KCNQ1OT1: variants seen among roughly 807,000 people sequenced by gnomAD.
KCNQ1OT1 encodes the protein KCNQ1 opposite strand/antisense transcript 1.
exon 1 of KCNQ1OT1, chr11:2,649,813 T>C (rs1229462626): frequency 5.0e-6 from 2 of 398,442 alleles, no homozygotes; most frequent in African/African-American, 4.1e-5. Flanking sequence ...TTTGTGAGCT[T>C]CCTTTATCTG....
At chr11:2,692,973 C>T in exon 1 of KCNQ1OT1, 1 of 398,658 alleles carries the variant, frequency 2.5e-6, no homozygotes, top group Non-Finnish European at 4.4e-6. Flanking sequence ...GCCCACTGAA[C>T]TCTCCTGGTT....
chr11:2,626,437 G>T lies in KCNQ1OT1; in HGVS notation n.73558C>A, dbSNP rs999109591. On this transcript the variant is annotated non_coding_transcript_exon_variant, in exon 1 of 1. Transcript: ENST00000597346. This position sits in a 1 kb window ranked among gnomAD's most constrained non-coding sequence, Gnocchi z 4.0. ...GAATCATTTGATCATGTATACAAGG[G>T]TTTATTTTTGGGCTCTCTATTCAAT... 1 of 398,588 alleles carries T rather than the reference G, an allele frequency of 2.5e-6. No homozygotes were observed. The highest frequency in any genetic ancestry group is 4.4e-6 in the Non-Finnish European group (1 of 226,076). The allele number at this position is 398,588 out of a possible 1,614,324, so 24.7% of individuals were successfully genotyped here. A position where few individuals can be genotyped will look rare whatever the true frequency, so the allele number is the denominator to read the frequency against.
Position 2,624,422 on chromosome 11 carries a change from A to G in KCNQ1OT1, n.75573T>C, listed in dbSNP as rs1849229349. ...CAGAGCAGAAACTTTTATTTTTAAC[A>G]AAGTCTAGCTTATCAATTATTTCTT... is the stretch of plus-strand genomic sequence containing the variant. On this transcript the variant is annotated non_coding_transcript_exon_variant, in exon 1 of 1. Transcript: ENST00000597346. This position sits in a 1 kb window ranked among gnomAD's most constrained non-coding sequence, Gnocchi z 4.9. 1 of 398,490 alleles carries G rather than the reference A, an allele frequency of 2.5e-6. No homozygotes were observed. The highest frequency in any genetic ancestry group is 4.4e-6 in the Non-Finnish European group (1 of 226,016). 24.7% of individuals were successfully genotyped at this position (398,490 alleles called of 1,614,324 possible).
rs1001669043 is a variant in KCNQ1OT1 at position 2,620,707 on chromosome 11, G to A, written n.79288C>T. ...TTATTTTCCTTTGAATATATATCCA[G>A]TAATGGGATTGCTGGGTCAGATGGT... On this transcript the variant is annotated non_coding_transcript_exon_variant, in exon 1 of 1. Coordinates refer to ENST00000597346, the Ensembl canonical transcript of KCNQ1OT1. The surrounding 1 kb of genome is among the most constrained non-coding windows in gnomAD (Gnocchi z 4.5). 9 of 398,418 alleles carry A rather than the reference G, an allele frequency of 2.3e-5. No individual in the cohort carries two copies. In the East Asian group the frequency reaches 2.5e-4, roughly 11 times the overall value. 24.7% of individuals were successfully genotyped at this position (398,418 alleles called of 1,614,324 possible). A position where few individuals can be genotyped will look rare whatever the true frequency, so the allele number is the denominator to read the frequency against.
Position 2,645,288 on chromosome 11 carries a change from C to A in KCNQ1OT1, n.54707G>T. On this transcript the variant is annotated non_coding_transcript_exon_variant, in exon 1 of 1. Coordinates refer to ENST00000597346, the Ensembl canonical transcript of KCNQ1OT1. The surrounding 1 kb of genome is among the most constrained non-coding windows in gnomAD (Gnocchi z 5.8). ...CAGTTGGGTAGGGCAGTCCTCAAGC[C>A]CCCAGGAGTGCTCAGGTGCCAACAA... 5.0e-6 allele frequency: 2 copies of A among 398,640 alleles called. No individual in the cohort carries two copies. The highest frequency in any genetic ancestry group is 8.8e-6 in the Non-Finnish European group (2 of 226,172). The allele number at this position is 398,640 out of a possible 1,614,324, so 24.7% of individuals were successfully genotyped here. A position where few individuals can be genotyped will look rare whatever the true frequency, so the allele number is the denominator to read the frequency against.
exon 1 of KCNQ1OT1, chr11:2,625,043 G>A (rs763834813): frequency 3.0e-4 from 119 of 398,430 alleles, no homozygotes; most frequent in Middle Eastern, 6.2e-4. Flanking sequence ...CACTACAATC[G>A]TGGGTATACA....
Position 2,627,651 on chromosome 11 carries a change from TATTTC to T in KCNQ1OT1, n.72339_72343del, listed in dbSNP as rs1375472464. On this transcript the variant is annotated non_coding_transcript_exon_variant, in exon 1 of 1. Transcript: ENST00000597346. This position sits in a 1 kb window ranked among gnomAD's most constrained non-coding sequence, Gnocchi z 4.9. The stretch of plus-strand genomic sequence containing the variant: ...GATTTCCTGCTTTTTAAAGGATGAA[TATTTC>T]ATTGTGTGTGTGTATATATGTGTGT... 17 of 398,490 alleles carry T rather than the reference TATTTC, an allele frequency of 4.3e-5. No homozygotes were observed. The South Asian group carries it at 5.1e-4, about 12-fold the overall frequency. 24.7% of individuals were successfully genotyped at this position (398,490 alleles called of 1,614,324 possible). A position where few individuals can be genotyped will look rare whatever the true frequency, so the allele number is the denominator to read the frequency against.
At position 2,658,428 on chromosome 11, in the gene KCNQ1OT1, G is replaced by T; in HGVS notation, n.41567C>A. 3 of 398,482 alleles carry T rather than the reference G, an allele frequency of 7.5e-6. No individual in the cohort carries two copies. Among genetic ancestry groups the T allele is most frequent in the Admixed American group, 8.8e-5 (2 of 22,734 alleles). The allele number at this position is 398,482 out of a possible 1,614,324, so 24.7% of individuals were successfully genotyped here. A position where few individuals can be genotyped will look rare whatever the true frequency, so the allele number is the denominator to read the frequency against. On this transcript the variant is annotated non_coding_transcript_exon_variant, in exon 1 of 1. Transcript: ENST00000597346. This position sits in a 1 kb window ranked among gnomAD's most constrained non-coding sequence, Gnocchi z 4.9. ...TGTTGCTCAAATTGTTCAAGCTGTGGCCACTGGTGGGTTCATGTGTCCTTT... is the reference window on the plus strand; with the variant it reads ...TGTTGCTCAAATTGTTCAAGCTGTGTCCACTGGTGGGTTCATGTGTCCTTT...
chr11:2,669,939 A>G lies in KCNQ1OT1; in HGVS notation n.30056T>C, dbSNP rs759180045. The G allele has an allele frequency of 1.5e-5, 6 of 398,542 alleles. No homozygotes were observed. Among genetic ancestry groups the G allele is most frequent in the Non-Finnish European group, 2.7e-5 (6 of 226,130 alleles). 24.7% of individuals were successfully genotyped at this position (398,542 alleles called of 1,614,324 possible). Reference sequence around the variant, plus strand: ...CCAAGCTCCAGGACAGTCTGGAGTCAGGTGGAGGGAAGGGAAGTCTAGAGG... The same window carrying G: ...CCAAGCTCCAGGACAGTCTGGAGTCGGGTGGAGGGAAGGGAAGTCTAGAGG... On this transcript the variant is annotated non_coding_transcript_exon_variant, in exon 1 of 1. Coordinates refer to ENST00000597346, the Ensembl canonical transcript of KCNQ1OT1. The surrounding 1 kb of genome is among the most constrained non-coding windows in gnomAD (Gnocchi z 5.6).
Position 2,670,963 on chromosome 11 carries a change from C to G in KCNQ1OT1, n.29032G>C, listed in dbSNP as rs1477146279. On this transcript the variant is annotated non_coding_transcript_exon_variant, in exon 1 of 1. Transcript: ENST00000597346. The surrounding 1 kb of genome is among the most constrained non-coding windows in gnomAD (Gnocchi z 4.9). ...CAGCTTCATGCCTTCTTATGGTGCC[C>G]CAGAGCCCCTGGCTAGGCATTCATG... is the stretch of plus-strand genomic sequence containing the variant. 2 of 398,532 alleles carry G rather than the reference C, an allele frequency of 5.0e-6. No homozygotes were observed. Among genetic ancestry groups the G allele is most frequent in the Non-Finnish European group, 8.8e-6 (2 of 226,098 alleles). The allele number at this position is 398,532 out of a possible 1,614,324, so 24.7% of individuals were successfully genotyped here.
exon 1 of KCNQ1OT1, chr11:2,630,502 T>C: frequency 5.0e-6 from 2 of 398,398 alleles, no homozygotes. Flanking sequence ...CATTTTATTT[T>C]TGATGCCCCA....
At chr11:2,622,569 C>G (rs1469771638) in exon 1 of KCNQ1OT1, 1 of 398,348 alleles carries the variant, frequency 2.5e-6, no homozygotes, top group East Asian at 3.6e-5. Flanking sequence ...AAAAGAAGTT[C>G]TGACATTTTG....
At chr11:2,648,975 C>CTTTT (rs1849710100) in exon 1 of KCNQ1OT1, 1 of 336,652 alleles carries the variant, frequency 3.0e-6, no homozygotes, top group African/African-American at 3.2e-5. Flanking sequence ...TCTCTTTTTT[C>CTTTT]TTTTTCTTTT....
rs1488219740 is a variant in KCNQ1OT1 at position 2,683,680 on chromosome 11, G to A, written n.16315C>T. ...TACTTTCCCATCTCAATACAACTGTGAAAAGCCTAGCCTGGGACTCAGGCC... is the reference window on the plus strand; with the variant it reads ...TACTTTCCCATCTCAATACAACTGTAAAAAGCCTAGCCTGGGACTCAGGCC... On this transcript the variant is annotated non_coding_transcript_exon_variant, in exon 1 of 1. Coordinates refer to ENST00000597346, the Ensembl canonical transcript of KCNQ1OT1. The surrounding 1 kb of genome is among the most constrained non-coding windows in gnomAD (Gnocchi z 4.7). 7.5e-6 allele frequency: 3 copies of A among 398,486 alleles called. No individual in the cohort carries two copies. Among genetic ancestry groups the A allele is most frequent in the Non-Finnish European group, 1.3e-5 (3 of 226,084 alleles). 24.7% of individuals were successfully genotyped at this position (398,486 alleles called of 1,614,324 possible). A position where few individuals can be genotyped will look rare whatever the true frequency, so the allele number is the denominator to read the frequency against.
chr11:2,697,891 G>C, exon 1 of KCNQ1OT1: 1 of 398,580 alleles, frequency 2.5e-6, no homozygotes, highest in African/African-American at 2.1e-5. Context: ...CCTCTAGCTG[G>C]AGCATAAATC....
exon 1 of KCNQ1OT1, chr11:2,646,837 T>C (rs111614169): frequency 2.8e-5 from 11 of 398,620 alleles, no homozygotes; most frequent in African/African-American, 2.3e-4. Flanking sequence ...TGTTTGTTGA[T>C]TTTTTTATCC....
chr11:2,652,200 C>T lies in KCNQ1OT1; in HGVS notation n.47795G>A, dbSNP rs1050387496. 28 of 398,474 alleles carry T rather than the reference C, an allele frequency of 7.0e-5. No homozygotes were observed. The highest frequency in any genetic ancestry group is 1.0e-4 in the African/African-American group (5 of 48,624). 24.7% of individuals were successfully genotyped at this position (398,474 alleles called of 1,614,324 possible). A position where few individuals can be genotyped will look rare whatever the true frequency, so the allele number is the denominator to read the frequency against. ...CCCAGCAGATGTCTGGATTTGGTAG[C>T]CAGGGCCTGGAGCCGGATGCTGAGA... On this transcript the variant is annotated non_coding_transcript_exon_variant, in exon 1 of 1. Coordinates refer to ENST00000597346, the Ensembl canonical transcript of KCNQ1OT1. This position sits in a 1 kb window ranked among gnomAD's most constrained non-coding sequence, Gnocchi z 5.9.
exon 1 of KCNQ1OT1, chr11:2,650,314 T>C (rs1401060432): frequency 7.5e-6 from 3 of 398,504 alleles, no homozygotes; most frequent in Non-Finnish European, 1.3e-5. Context: ...AGTCATGTTT[T>C]CTTGTTTTTT....
exon 1 of KCNQ1OT1, chr11:2,637,175 A>G (rs537173077): frequency 3.4e-5 from 5 of 145,416 alleles, no homozygotes; most frequent in East Asian, 2.2e-4. Context: ...TTGTGTCTCT[A>G]TCTCCTTCAA....
Sources: allele counts gnomAD v4.1 joint callset, GRCh38; gene constraint gnomAD v4.1.1; non-coding constraint Gnocchi (gnomAD v3.1); transcripts MANE v1.5; gene names NCBI Gene and HGNC (gene_info 2026-07-23, HGNC 2026-07-21).